XRCC6: variants seen among roughly 807,000 people sequenced by gnomAD.
The protein encoded by XRCC6 is DNA repair protein Ku70.
A neutral mutation model predicts 65.7 loss-of-function variants in XRCC6; 5 were observed. That is an observed-to-expected ratio of 0.08 (90% CI 0.04 to 0.16). The LOEUF is 0.16. XRCC6 is among the 10% of genes least tolerant of loss of function. The pLI, the probability that XRCC6 is intolerant of heterozygous loss-of-function variation, is 1.00. For missense variants in XRCC6, 447 were observed against 738.1 expected (o/e 0.61, Z 4.57); for synonymous variants, 270 against 270.6 (o/e 1.00, Z 0.02).
chr22:41,627,627 AAAAT>A (rs2147068031), intron 2 of XRCC6, among the ~76,000 whole-genome samples: 1 of 150,886 alleles, frequency 6.6e-6, no homozygotes, highest in African/African-American at 2.5e-5. Flanking sequence ...AAAAAAAAAA[AAAAT>A]AGAGGCCTGG....
chr22:41,659,123 C>T (rs770580725), intron 11 of XRCC6, among the ~76,000 whole-genome samples: 5 of 152,014 alleles, frequency 3.3e-5, no homozygotes, highest in African/African-American at 7.2e-5. Flanking sequence ...TTAGTAGAGA[C>T]GGGATTTCGC....
At chr22:41,642,982 G>A (rs1380815764) in intron 6 of XRCC6, among the ~76,000 whole-genome samples, 5 of 152,222 alleles carry the variant, frequency 3.3e-5, no homozygotes, top group African/African-American at 4.8e-5. Context: ...CAAAACCAGT[G>A]TTGTCTCCAC....
chr22:41,652,964 G>A (rs903167074), intron 8 of XRCC6, among the ~76,000 whole-genome samples: 9 of 152,122 alleles, frequency 5.9e-5, no homozygotes, highest in Non-Finnish European at 1.3e-4. Flanking sequence ...GAGCCACCAT[G>A]CCCGGCCATA....
At chr22:41,640,534 A>G (rs2067864774) in intron 6 of XRCC6, among the ~76,000 whole-genome samples, 1 of 152,078 alleles carries the variant, frequency 6.6e-6, no homozygotes, top group Non-Finnish European at 1.5e-5. Flanking sequence ...TTCCTCCTCA[A>G]GCTTTCATTC....
chr22:41,654,479 AG>A, intron 9 of XRCC6, among the ~76,000 whole-genome samples: 1 of 152,166 alleles, frequency 6.6e-6, no homozygotes, highest in Non-Finnish European at 1.5e-5. Context: ...TGGGTGCTAG[AG>A]GGAGACCAAA....
At chr22:41,626,500 G>T (rs2067674937) in intron 2 of XRCC6, among the ~76,000 whole-genome samples, 1 of 151,952 alleles carries the variant, frequency 6.6e-6, no homozygotes, top group Non-Finnish European at 1.5e-5. Context: ...TGTGGCCCAG[G>T]CTGGAGAGTA....
Position 41,622,041 on chromosome 22 carries a change from G to A in XRCC6, c.37G>A (p.Asp13Asn). The A allele has an allele frequency of 6.2e-7, 1 of 1,614,242 alleles. No individual in the cohort carries two copies. Among genetic ancestry groups the A allele is most frequent in the Non-Finnish European group, 8.5e-7 (1 of 1,180,036 alleles). The change falls in exon 2 of 13, where the codon GAT becomes AAT. Residue 13 changes from aspartate to asparagine, a missense_variant. Coordinates refer to ENST00000360079, the MANE Select transcript of XRCC6 (RefSeq NM_001469.5). ...GGAGTCATATTACAAAACCGAGGGCGATGAAGAAGCAGAGGAAGAACAAGA... is the reference window on the plus strand; with the variant it reads ...GGAGTCATATTACAAAACCGAGGGCAATGAAGAAGCAGAGGAAGAACAAGA... ...GWESYYKTEG[D>N]EEAEEEQEEN...
At chr22:41,636,051 C>G (rs1443538602) in intron 3 of XRCC6, 62 bp from the exon 4 acceptor site, 1 of 1,467,890 alleles carries the variant, frequency 6.8e-7, no homozygotes, top group Non-Finnish European at 9.1e-7. Context: ...CTAATAGGTA[C>G]TGAGCACTTA....
At chr22:41,628,965 CAAAAAAAAAAA>C (rs11413169) in intron 3 of XRCC6, among the ~76,000 whole-genome samples, 8 of 62,722 alleles carry the variant, frequency 1.3e-4, no homozygotes, top group African/African-American at 2.0e-4. Flanking sequence ...GACTCTGTCT[CAAAAAAAAAAA>C]AAAAAAAAAA....
intron 2 of XRCC6, among the ~76,000 whole-genome samples, chr22:41,626,140 T>G (rs928060680): frequency 2.8e-5 from 4 of 141,522 alleles, no homozygotes; most frequent in Admixed American, 2.2e-4. Context: ...GCTTGGCCAT[T>G]TATTTATTTT....
chr22:41,638,494 T>C (rs1252189967), intron 6 of XRCC6, among the ~76,000 whole-genome samples: 1 of 151,982 alleles, frequency 6.6e-6, no homozygotes, highest in African/African-American at 2.4e-5. Flanking sequence ...ACAATAAAAA[T>C]ATGATATAGG....
intron 10 of XRCC6, 57 bp from the exon 11 acceptor site, chr22:41,658,195 A>T (rs2068062873): frequency 1.9e-6 from 3 of 1,583,314 alleles, no homozygotes; most frequent in African/African-American, 1.4e-5. Context: ...TTTTATTCTA[A>T]TTTTTTCAAT....
At chr22:41,637,907 T>G in intron 6 of XRCC6, 116 bp downstream of exon 6, 1 of 1,204,396 alleles carries the variant, frequency 8.3e-7, no homozygotes, top group Non-Finnish European at 1.1e-6. Flanking sequence ...GGCGGATTGC[T>G]TGAGCCTAGG....
intron 6 of XRCC6, among the ~76,000 whole-genome samples, chr22:41,640,241 C>T (rs2067861310): frequency 2.0e-5 from 3 of 152,116 alleles, no homozygotes; most frequent in Admixed American, 6.5e-5. Flanking sequence ...CTCCGCCTCC[C>T]GGGTTCATGC....
intron 2 of XRCC6, among the ~76,000 whole-genome samples, chr22:41,624,976 G>A (rs1243942154): frequency 6.6e-6 from 1 of 151,958 alleles, no homozygotes; most frequent in Non-Finnish European, 1.5e-5. Context: ...CAGCCTGGGC[G>A]ACAGAGCGAG....
At chr22:41,629,892 A>G (rs1402513143) in intron 3 of XRCC6, among the ~76,000 whole-genome samples, 1 of 150,878 alleles carries the variant, frequency 6.6e-6, no homozygotes, top group Non-Finnish European at 1.5e-5. Context: ...GATGGTCTCA[A>G]TCTCCTGAAG....
chr22:41,635,207 A>G (rs1371241627), intron 3 of XRCC6, among the ~76,000 whole-genome samples: 1 of 152,216 alleles, frequency 6.6e-6, no homozygotes, highest in Non-Finnish European at 1.5e-5. Context: ...ACCTAATACA[A>G]TGCCTATGCA....
intron 7 of XRCC6, among the ~76,000 whole-genome samples, chr22:41,649,028 A>G (rs2067964007): frequency 6.6e-6 from 1 of 150,908 alleles, no homozygotes; most frequent in Non-Finnish European, 1.5e-5. Flanking sequence ...TGAACCCAGG[A>G]GTTTGAGATC....
chr22:41,632,164 GAGGGAT>G (rs940529840), intron 3 of XRCC6, among the ~76,000 whole-genome samples: 221 of 150,736 alleles, frequency 1.5e-3, no homozygotes, highest in African/African-American at 5.2e-3. Flanking sequence ...ACCGTGGGGA[GAGGGAT>G]AGGGAGAGGG....
Sources: allele counts gnomAD v4.1 joint callset (sites outside exome capture counted in the v4.1 genomes callset), GRCh38; gene constraint gnomAD v4.1.1; transcripts MANE v1.5; gene names NCBI Gene and HGNC (gene_info 2026-07-23, HGNC 2026-07-21).